The following ERICH5 variants were observed in gnomAD, a reference collection of about 807,000 sequenced individuals.
ERICH5 encodes the protein glutamate rich 5, also known as glutamate-rich protein 5.
In ERICH5, 24 loss-of-function variants were observed where a neutral mutation model predicts 28.0. The ratio of observed to expected loss-of-function variants is 0.86; its 90% CI spans 0.62 to 1.21. The LOEUF (loss-of-function observed/expected upper bound fraction) is 1.21. Ranked by LOEUF, ERICH5 falls within the 50% of genes most tolerant of loss-of-function variation. The pLI is 0.00. For synonymous variants in ERICH5, 163 were observed against 157.6 expected (o/e 1.03, Z -0.25); for missense variants, 421 against 441.2 (o/e 0.95, Z 0.41).
chr8:98,064,571 G>C lies in ERICH5; in HGVS notation c.-99G>C, dbSNP rs868412638. The C allele has an allele frequency of 4.7e-4, 510 of 1,075,106 alleles. 2 individuals are homozygous for C. The Middle Eastern group carries it at 4.9e-3, about 10-fold the overall frequency. 66.6% of individuals were successfully genotyped at this position (1,075,106 alleles called of 1,614,324 possible). On this transcript the variant is annotated 5_prime_UTR_variant, in exon 1 of 3. Coordinates refer to ENST00000318528, the MANE Select transcript of ERICH5 (RefSeq NM_173549.3). ...ACGCCCAAGGGAGCCGGGCTGCAGAGCTGGAGAAACTTCCGCGGCTACGGG... is the reference window on the plus strand; with the variant it reads ...ACGCCCAAGGGAGCCGGGCTGCAGACCTGGAGAAACTTCCGCGGCTACGGG...
Position 98,089,596 on chromosome 8 carries a change from C to T in ERICH5, c.579C>T (p.Asn193=), listed in dbSNP as rs181139667. 2.0e-5 allele frequency: 32 copies of T among 1,614,168 alleles called. No individual in the cohort carries two copies. In the Admixed American group the frequency reaches 2.3e-4, roughly 12 times the overall value. Reference sequence around the variant, plus strand: ...TGAAGCCTCTAGGAACAACTGAGAACGTTCTGACTCTGCAAATAGCTGGAG... The same window carrying T: ...TGAAGCCTCTAGGAACAACTGAGAATGTTCTGACTCTGCAAATAGCTGGAG... ...AEMKPLGTTE[N]VLTLQIAGEL... The change falls in exon 2 of 3, where the codon AAC becomes AAT. Residue 193 remains asparagine, a synonymous_variant. Transcript: ENST00000318528.
chr8:98,067,153 T>C (rs1814832849), intron 1 of ERICH5, among the ~76,000 whole-genome samples: 2 of 152,206 alleles, frequency 1.3e-5, no homozygotes, highest in Non-Finnish European at 2.9e-5. Flanking sequence ...TCATATGCTT[T>C]GTTGGGCACA....
At chr8:98,076,051 G>A (rs1185003787) in intron 1 of ERICH5, among the ~76,000 whole-genome samples, 10 of 138,034 alleles carry the variant, frequency 7.2e-5, no homozygotes, top group Non-Finnish European at 1.5e-4. Flanking sequence ...AGCAGAGCAA[G>A]CATTTACGCT....
In ERICH5 at chr8:98,093,295, G is replaced by A. The variant is rs1262562518; in HGVS notation, c.1087G>A (p.Glu363Lys). The A allele has an allele frequency of 9.9e-6, 16 of 1,613,956 alleles. No homozygotes were observed. The highest frequency in any genetic ancestry group is 1.4e-5 in the Non-Finnish European group (16 of 1,179,870). ...TGAAGGGGCTGAAACCAAAGAAGAA[G>A]AAACAGGAGAAGTGGTGGACCTTTC... ...VSEGAETKEE[E>K]TGEVVDLSAA... The change falls in exon 3 of 3, where the codon GAA becomes AAA. Residue 363 changes from glutamate (E) to lysine (K), a missense_variant. By Grantham distance (56) the Glu-to-Lys change is moderately conservative (BLOSUM62 1). Coordinates refer to ENST00000318528, the MANE Select transcript of ERICH5 (RefSeq NM_173549.3).
chr8:98,091,884 CTTTCTTTCTTTCT>C (rs1815400070), intron 2 of ERICH5, among the ~76,000 whole-genome samples: 2 of 86,756 alleles, frequency 2.3e-5, no homozygotes, highest in African/African-American at 9.8e-5. Flanking sequence ...TTCTTTCTTT[CTTTCTTTCTTTCT>C]TTCCTTTCTT....
chr8:98,080,534 T>C lies in ERICH5; in HGVS notation c.59-8542T>C, dbSNP rs182287672. Among the ~76,000 whole-genome samples, 110 of 152,328 alleles carry C rather than the reference T, an allele frequency of 7.2e-4. 1 individual carries two copies. Among genetic ancestry groups the C allele is most frequent in the East Asian group, 5.4e-3 (28 of 5,186 alleles). ...CTTTATTGTGTTCTCTGAGAGATGG[T>C]TCAAAACAACTATTTGTTTTCCAAT... is the stretch of plus-strand genomic sequence containing the variant. On this transcript the variant is annotated intron_variant, in intron 1 of 2. Coordinates refer to ENST00000318528, the MANE Select transcript of ERICH5 (RefSeq NM_173549.3).
chr8:98,070,445 T>C (rs1814892621), intron 1 of ERICH5, among the ~76,000 whole-genome samples: 1 of 150,872 alleles, frequency 6.6e-6, no homozygotes, highest in Non-Finnish European at 1.5e-5. Flanking sequence ...TCACCTGAGG[T>C]TGGGAGTTCG....
At chr8:98,078,848 A>G (rs941019017) in intron 1 of ERICH5, among the ~76,000 whole-genome samples, 1 of 152,254 alleles carries the variant, frequency 6.6e-6, no homozygotes, top group African/African-American at 2.4e-5. Flanking sequence ...TCAGATGTGA[A>G]AACAACGCAT....
At chr8:98,086,814 G>A (rs540943952) in intron 1 of ERICH5, among the ~76,000 whole-genome samples, 1 of 152,118 alleles carries the variant, frequency 6.6e-6, no homozygotes, top group South Asian at 2.1e-4. Flanking sequence ...AGCCGGGCGT[G>A]GTGGTGGGTG....
chr8:98,089,758 A>C lies in ERICH5; in HGVS notation c.741A>C (p.Ala247=), dbSNP rs1815348195. The change falls in exon 2 of 3, where the codon GCA becomes GCC. Residue 247 remains alanine, a synonymous_variant. Coordinates refer to ENST00000318528, the MANE Select transcript of ERICH5 (RefSeq NM_173549.3). ...VETAEEQQLQ[A]TLGKEEQPQL... The stretch of plus-strand genomic sequence containing the variant: ...CAGCTGAAGAGCAGCAACTTCAGGC[A>C]ACATTGGGAAAAGAGGAGCAGCCCC... 2 of 1,614,076 alleles carry C rather than the reference A, an allele frequency of 1.2e-6. No homozygotes were observed. The highest frequency in any genetic ancestry group is 1.6e-4 in the Middle Eastern group (1 of 6,084).
chr8:98,086,192 A>G (rs1376292089), intron 1 of ERICH5, among the ~76,000 whole-genome samples: 2 of 152,202 alleles, frequency 1.3e-5, no homozygotes, highest in Non-Finnish European at 2.9e-5. Context: ...GAAGAACAGA[A>G]AAAAAGACAA....
At chr8:98,091,731 G>A (rs1347449945) in intron 2 of ERICH5, among the ~76,000 whole-genome samples, 1 of 152,210 alleles carries the variant, frequency 6.6e-6, no homozygotes, top group Non-Finnish European at 1.5e-5. Context: ...AATGTTTAAC[G>A]ATTGTTTTTA....
intron 1 of ERICH5, among the ~76,000 whole-genome samples, chr8:98,067,835 C>T (rs1360815887): frequency 3.3e-5 from 5 of 151,918 alleles, no homozygotes; most frequent in Non-Finnish European, 7.4e-5. Flanking sequence ...AACTCCCGCC[C>T]TCAGGTGATC....
At chr8:98,091,950 TTC>T (rs1491266229) in intron 2 of ERICH5, among the ~76,000 whole-genome samples, 1 of 3,392 alleles carries the variant, frequency 2.9e-4, no homozygotes, top group African/African-American at 7.1e-4. Context: ...TCTTTCTTTC[TTC>T]TTTCTTTCTT....
intron 1 of ERICH5, among the ~76,000 whole-genome samples, chr8:98,076,400 T>G (rs1034999962): frequency 3.3e-5 from 5 of 151,584 alleles, no homozygotes; most frequent in African/African-American, 1.2e-4. Flanking sequence ...CTTTTTTTTT[T>G]TTTTTTCCTC....
chr8:98,084,812 A>G (rs145550945), intron 1 of ERICH5, among the ~76,000 whole-genome samples: 1 of 152,246 alleles, frequency 6.6e-6, no homozygotes, highest in East Asian at 1.9e-4. Flanking sequence ...AATAAACTGT[A>G]CATATTTATA....
intron 1 of ERICH5, among the ~76,000 whole-genome samples, chr8:98,087,180 C>T (rs1306299325): frequency 1.3e-5 from 2 of 151,926 alleles, no homozygotes; most frequent in East Asian, 3.9e-4. Flanking sequence ...GGGACCACAT[C>T]TCTATTTAAA....
intron 1 of ERICH5, among the ~76,000 whole-genome samples, chr8:98,067,044 G>A (rs1204318819): frequency 6.6e-6 from 1 of 152,158 alleles, no homozygotes; most frequent in Non-Finnish European, 1.5e-5. Context: ...TTATAACAAT[G>A]TTATGACTAA....
chr8:98,078,974 T>C (rs1031913975), intron 1 of ERICH5, among the ~76,000 whole-genome samples: 11 of 152,186 alleles, frequency 7.2e-5, no homozygotes, highest in Admixed American at 7.2e-4. Context: ...AATGATGTAG[T>C]ACCTTTTTCT....
Sources: gnomAD v4.1 joint callset for allele counts (sites outside exome capture counted in the v4.1 genomes callset) on GRCh38, gnomAD v4.1.1 for gene constraint, MANE v1.5 for transcripts, NCBI Gene and HGNC (gene_info 2026-07-23, HGNC 2026-07-21) for gene names.